The following SLF2 variants were observed in gnomAD, a reference collection of about 807,000 sequenced individuals.
SLF2 encodes the protein SMC5-SMC6 complex localization factor protein 2.
Under a neutral mutation model 124.3 loss-of-function variants are expected in SLF2, and 68 were observed. That is an observed-to-expected ratio of 0.55 (90% CI 0.45 to 0.67). SLF2 has a LOEUF of 0.67. Among genes scored for constraint, SLF2 ranks in the 30% least tolerant of loss-of-function variants. The pLI is 0.00. For missense variants in SLF2, 1,246 were observed against 1,373.7 expected (o/e 0.91, Z 1.47); for synonymous variants, 480 against 478.8 (o/e 1.00, Z -0.03).
At position 100,950,720 on chromosome 10, in the gene SLF2, T is replaced by A; in HGVS notation, c.3297T>A (p.Val1099=). Residue 1099 remains valine (V), a synonymous_variant, in exon 17 of 20, where the codon GTT becomes GTA. Coordinates refer to ENST00000238961, the MANE Select transcript of SLF2 (RefSeq NM_018121.4). ...TTCTTCTTCATTTAGTCGGTGAAGTTAGTTGTTCTCATTCTTTTTCTTCTG... is the reference window on the plus strand; with the variant it reads ...TTCTTCTTCATTTAGTCGGTGAAGTAAGTTGTTCTCATTCTTTTTCTTCTG... ...TYILLHLVGE[V]SCSHSFSSGQ... The A allele has an allele frequency of 6.2e-7, 1 of 1,614,086 alleles. No homozygotes were observed. Among genetic ancestry groups the A allele is most frequent in the Non-Finnish European group, 8.5e-7 (1 of 1,179,962 alleles).
At chr10:100,957,903 G>A (rs934028432) in intron 18 of SLF2, among the ~76,000 whole-genome samples, 1 of 152,024 alleles carries the variant, frequency 6.6e-6, no homozygotes, top group Non-Finnish European at 1.5e-5. Context: ...ACAAAAATGA[G>A]CCAGGTGTGG....
rs1340357031 is a variant in SLF2 at position 100,917,425 on chromosome 10, A to G, written c.915+125A>G. The G allele has an allele frequency of 7.4e-6, 8 of 1,082,906 alleles. No homozygotes were observed. In the Admixed American group the frequency reaches 9.2e-5, roughly 13 times the overall value. 67.1% of individuals were successfully genotyped at this position (1,082,906 alleles called of 1,614,324 possible). On this transcript the variant is annotated intron_variant, in intron 3 of 19. Transcript: ENST00000238961. ...TTTCCTGAAGGAAATACTTATGCAC[A>G]GTTTGTGTAGAAGCTGGTTTCATTA...
At chr10:100,959,580 A>T (rs758914243) in intron 19 of SLF2, 84 bp downstream of exon 19, 1 of 1,526,470 alleles carries the variant, frequency 6.6e-7, no homozygotes, top group South Asian at 1.3e-5. Flanking sequence ...AAAATAGGGT[A>T]TAACAGTGCA....
chr10:100,962,041 A>G lies in SLF2; in HGVS notation c.*129A>G, dbSNP rs991688052. On this transcript the variant is annotated 3_prime_UTR_variant, in exon 20 of 20. Transcript: ENST00000238961. ...TGTACAGCAAATGTGCCACTTGAAT[A>G]TCTAGTATGAAGCTGGTAATGAAGA... The G allele has an allele frequency of 3.8e-5, 30 of 791,600 alleles. No individual in the cohort carries two copies. The Admixed American group carries it at 8.1e-4, about 21-fold the overall frequency. 49.0% of individuals were successfully genotyped at this position (791,600 alleles called of 1,614,324 possible).
chr10:100,935,177 C>T (rs975920986), intron 9 of SLF2, among the ~76,000 whole-genome samples: 6 of 152,076 alleles, frequency 3.9e-5, no homozygotes, highest in East Asian at 1.9e-4. Context: ...AGGTGGATCA[C>T]GAGGTCAGGA....
Position 100,963,406 on chromosome 10 carries a change from C to A in SLF2, c.*1494C>A, listed in dbSNP as rs906861072. 1 of 152,506 alleles carries A rather than the reference C, an allele frequency of 6.6e-6. No individual in the cohort carries two copies. The highest frequency in any genetic ancestry group is 6.6e-5 in the Admixed American group (1 of 15,262). The allele number at this position is 152,506 out of a possible 1,614,324, so 9.4% of individuals were successfully genotyped here. A position where few individuals can be genotyped will look rare whatever the true frequency, so the allele number is the denominator to read the frequency against. On this transcript the variant is annotated 3_prime_UTR_variant, in exon 20 of 20. Coordinates refer to ENST00000238961, the MANE Select transcript of SLF2 (RefSeq NM_018121.4). ...CAAGAACCTAAACTGATTGAGGCTC[C>A]AAGAGTCAGACCAACAAAAGTTTTA...
intron 9 of SLF2, among the ~76,000 whole-genome samples, chr10:100,935,543 G>T (rs542159068): frequency 6.6e-6 from 1 of 151,882 alleles, no homozygotes; most frequent in East Asian, 1.9e-4. Context: ...CTAGCCTAAT[G>T]GTGGCGCAGG....
chr10:100,952,999 T>C (rs1373852734), intron 17 of SLF2, among the ~76,000 whole-genome samples: 1 of 152,166 alleles, frequency 6.6e-6, no homozygotes, highest in Non-Finnish European at 1.5e-5. Flanking sequence ...GTAATGTTCT[T>C]ACATGGTTTT....
At chr10:100,961,856 T>G (rs199814672) in intron 19 of SLF2, 21 bp from the exon 20 acceptor site, 713 of 1,605,504 alleles carry the variant, frequency 4.4e-4, no homozygotes, top group Middle Eastern at 9.9e-4. Flanking sequence ...TTACCCTCTT[T>G]TTTCTCCTTC....
intron 12 of SLF2, 68 bp downstream of exon 12, chr10:100,944,196 T>TA (rs769926524): frequency 0.042 from 33,563 of 807,380 alleles, 2 homozygotes; most frequent in South Asian, 0.052. Flanking sequence ...TAATGGTTTT[T>TA]AAAAAAAAAA....
At chr10:100,938,873 T>G (rs755840031) in intron 11 of SLF2, 137 bp downstream of exon 11, 2 of 734,320 alleles carry the variant, frequency 2.7e-6, no homozygotes, top group Non-Finnish European at 4.0e-6. Context: ...ATTAGATACA[T>G]TTTTAACATG....
chr10:100,931,971 G>T (rs1849744585), intron 9 of SLF2, among the ~76,000 whole-genome samples: 1 of 150,088 alleles, frequency 6.7e-6, no homozygotes, highest in Non-Finnish European at 1.5e-5. Flanking sequence ...CAGCCTGGGG[G>T]ACAGAGTGAG....
At chr10:100,945,636 A>G (rs1295536509) in intron 13 of SLF2, 130 bp downstream of exon 13, 12 of 700,096 alleles carry the variant, frequency 1.7e-5, no homozygotes, top group East Asian at 3.5e-5. Flanking sequence ...GAGGAAGGGA[A>G]TGTTTGCTGG....
intron 2 of SLF2, 71 bp from the exon 3 acceptor site, chr10:100,916,499 A>G (rs1849415856): frequency 8.7e-7 from 1 of 1,146,908 alleles, no homozygotes; most frequent in Admixed American, 4.2e-5. Context: ...TATTTTAAAC[A>G]TTAATAATTT....
Position 100,913,200 on chromosome 10 carries a change from T to C in SLF2, c.90T>C (p.Gly30=). The C allele has an allele frequency of 6.2e-7, 1 of 1,612,574 alleles. No individual in the cohort carries two copies. Among genetic ancestry groups the C allele is most frequent in the Non-Finnish European group, 8.5e-7 (1 of 1,179,458 alleles). The stretch of plus-strand genomic sequence containing the variant: ...CCCCGCGCTGCCATCTGAGACCCGG[T>C]AGTACCGCCCATGCTGCAGCGGGAA... ...SSPPRCHLRP[G]STAHAAAGKR... Residue 30 remains glycine (G), a synonymous_variant, in exon 1 of 20, where the codon GGT becomes GGC. Coordinates refer to ENST00000238961, the MANE Select transcript of SLF2 (RefSeq NM_018121.4).
intron 15 of SLF2, among the ~76,000 whole-genome samples, chr10:100,949,086 G>A (rs1275983332): frequency 4.6e-5 from 7 of 152,186 alleles, no homozygotes; most frequent in Admixed American, 6.5e-5. Flanking sequence ...AACAGTAATC[G>A]AAGCATGCAC....
intron 6 of SLF2, among the ~76,000 whole-genome samples, chr10:100,928,918 A>G (rs1476377905): frequency 2.6e-5 from 4 of 152,202 alleles, no homozygotes; most frequent in African/African-American, 9.7e-5. Context: ...GTTGTTGGGC[A>G]TCTAGAACCC....
intron 17 of SLF2, among the ~76,000 whole-genome samples, chr10:100,955,060 C>T (rs191527315): frequency 0.031 from 4,634 of 151,912 alleles, 115 homozygotes; most frequent in Non-Finnish European, 0.049. Context: ...CTGCCCCAGC[C>T]TCCCGAGTAG....
intron 3 of SLF2, among the ~76,000 whole-genome samples, chr10:100,917,732 A>T (rs1237363173): frequency 2.0e-5 from 3 of 151,992 alleles, no homozygotes; most frequent in Non-Finnish European, 4.4e-5. Flanking sequence ...ACCTGCCACC[A>T]TATTTGACTA....
Sources: allele counts gnomAD v4.1 joint callset (sites outside exome capture counted in the v4.1 genomes callset), GRCh38; gene constraint gnomAD v4.1.1; transcripts MANE v1.5; gene names NCBI Gene and HGNC (gene_info 2026-07-23, HGNC 2026-07-21).